The following MYT1L variants were observed in gnomAD, a reference collection of about 807,000 sequenced individuals.
MYT1L encodes myelin transcription factor 1 like.
MYT1L carries 12 observed loss-of-function variants against 126.7 expected under a neutral mutation model. That is an observed-to-expected ratio of 0.09 (90% CI 0.06 to 0.15). The LOEUF (loss-of-function observed/expected upper bound fraction) is 0.15. Among genes scored for constraint, MYT1L ranks in the 10% least tolerant of loss-of-function variants. The pLI is 1.00. For missense variants in MYT1L, 979 were observed against 1,585.2 expected (o/e 0.62, Z 6.49); for synonymous variants, 541 against 604.2 (o/e 0.90, Z 1.53).
chr2:2,187,351 C>T (rs1240815761), intron 2 of MYT1L, among the ~76,000 whole-genome samples: 1 of 151,960 alleles, frequency 6.6e-6, no homozygotes, highest in Admixed American at 6.6e-5. Flanking sequence ...CAGGTGAGAG[C>T]GAGAACCCAC....
Position 1,848,091 on chromosome 2 carries a change from G to A in MYT1L, c.2774+3550C>T, listed in dbSNP as rs558428898. On this transcript the variant is annotated intron_variant, in intron 19 of 24. Transcript: ENST00000647738. This position sits in a 1 kb window ranked among gnomAD's most constrained non-coding sequence, Gnocchi z 4.8. ...CTCAAATTCAAAAGTTAATGAAATC[G>A]CTAATTCTCAGCGCATCTGTGGAGA... is the stretch of plus-strand genomic sequence containing the variant. Among the ~76,000 whole-genome samples, 8 of 152,246 alleles carry A rather than the reference G, an allele frequency of 5.3e-5. No homozygotes were observed. Among genetic ancestry groups the A allele is most frequent in the Middle Eastern group, 3.4e-3 (1 of 294 alleles).
chr2:2,104,650 T>C (rs1427363624), intron 3 of MYT1L, among the ~76,000 whole-genome samples: 3 of 152,220 alleles, frequency 2.0e-5, no homozygotes, highest in African/African-American at 7.2e-5. Context: ...GTGCTTTCTG[T>C]GGTCTTTGTC....
chr2:1,877,544 A>G (rs1297420963), intron 18 of MYT1L, among the ~76,000 whole-genome samples: 1 of 152,174 alleles, frequency 6.6e-6, no homozygotes, highest in African/African-American at 2.4e-5. Flanking sequence ...GTGCTTTTAT[A>G]TATCAGGTAG....
At chr2:1,884,794 C>G (rs960157846) in intron 18 of MYT1L, among the ~76,000 whole-genome samples, 1 of 152,204 alleles carries the variant, frequency 6.6e-6, no homozygotes, top group South Asian at 2.1e-4. Flanking sequence ...CAGGACAAGA[C>G]AGGAAGGAGG....
At chr2:2,008,302 C>T (rs546016696) in intron 4 of MYT1L, among the ~76,000 whole-genome samples, 12 of 152,352 alleles carry the variant, frequency 7.9e-5, no homozygotes, top group East Asian at 1.9e-4. Flanking sequence ...CCATCTGCCA[C>T]GGGCGTGGCC....
chr2:2,075,761 C>G (rs999928949), intron 3 of MYT1L, among the ~76,000 whole-genome samples: 1 of 152,194 alleles, frequency 6.6e-6, no homozygotes, highest in Non-Finnish European at 1.5e-5. Context: ...AAATCAACTA[C>G]TTCAGAATAT....
intron 3 of MYT1L, among the ~76,000 whole-genome samples, chr2:2,151,081 C>A (rs2042142): frequency 0.38 from 57,988 of 151,886 alleles, 11,639 homozygotes; most frequent in African/African-American, 0.53. Context: ...AGTAAAATGA[C>A]AGTAAAAACT....
At chr2:2,087,891 C>T (rs1194794732) in intron 3 of MYT1L, among the ~76,000 whole-genome samples, 1 of 152,250 alleles carries the variant, frequency 6.6e-6, no homozygotes, top group African/African-American at 2.4e-5. Context: ...TCGCTATAAA[C>T]ACCACACGTG....
chr2:2,013,953 T>A (rs1004330978), intron 4 of MYT1L, among the ~76,000 whole-genome samples: 4 of 152,200 alleles, frequency 2.6e-5, no homozygotes, highest in African/African-American at 9.6e-5. Context: ...AAGTGTTTGC[T>A]CCATGCATCA....
intron 4 of MYT1L, among the ~76,000 whole-genome samples, chr2:2,032,701 G>A (rs1225931682): frequency 9.3e-6 from 1 of 107,382 alleles, no homozygotes; most frequent in African/African-American, 3.9e-5. Context: ...TCATCCTGTG[G>A]CCCAGAGCAG....
At chr2:2,120,990 C>A (rs1423983055) in intron 3 of MYT1L, among the ~76,000 whole-genome samples, 1 of 152,166 alleles carries the variant, frequency 6.6e-6, no homozygotes, top group African/African-American at 2.4e-5. Flanking sequence ...GTGGCGATGG[C>A]GGTCACCGGG....
intron 2 of MYT1L, among the ~76,000 whole-genome samples, chr2:2,278,445 A>C (rs953446176): frequency 6.6e-6 from 1 of 152,202 alleles, no homozygotes; most frequent in Admixed American, 6.5e-5. Context: ...GAGACACAAA[A>C]TTTTAAAGAG....
intron 1 of MYT1L, among the ~76,000 whole-genome samples, chr2:2,298,112 G>A (rs908987515): frequency 6.6e-6 from 1 of 152,138 alleles, no homozygotes; most frequent in African/African-American, 2.4e-5. Flanking sequence ...ATTAAGCCTG[G>A]CTTTTATGAA....
intron 3 of MYT1L, among the ~76,000 whole-genome samples, chr2:2,073,907 C>T (rs912229227): frequency 3.9e-5 from 6 of 152,178 alleles, no homozygotes; most frequent in African/African-American, 1.4e-4. Context: ...TGCTTTTCTC[C>T]ACCCTCAGCA....
intron 18 of MYT1L, among the ~76,000 whole-genome samples, chr2:1,882,249 C>G (rs1304809716): frequency 6.6e-6 from 1 of 152,158 alleles, no homozygotes; most frequent in African/African-American, 2.4e-5. Context: ...GCTGGAGCCC[C>G]AGTGGACGCT....
At chr2:2,277,881 A>G (rs910876617) in intron 2 of MYT1L, among the ~76,000 whole-genome samples, 1 of 152,232 alleles carries the variant, frequency 6.6e-6, no homozygotes, top group Non-Finnish European at 1.5e-5. Context: ...AAAAAAAACT[A>G]TAGTATATTC....
At chr2:1,869,372 G>T (rs1449417033) in intron 18 of MYT1L, among the ~76,000 whole-genome samples, 1 of 152,262 alleles carries the variant, frequency 6.6e-6, no homozygotes, top group Non-Finnish European at 1.5e-5. Context: ...GGTCTCATGA[G>T]ACCTGGCACT....
At chr2:2,190,605 C>G (rs886218665) in intron 2 of MYT1L, among the ~76,000 whole-genome samples, 1 of 147,350 alleles carries the variant, frequency 6.8e-6, no homozygotes, top group Non-Finnish European at 1.5e-5. Flanking sequence ...GAAGAAAGTA[C>G]TTGTGTCCTG....
intron 2 of MYT1L, among the ~76,000 whole-genome samples, chr2:2,208,288 T>A (rs1035480335): frequency 6.6e-6 from 1 of 152,220 alleles, no homozygotes; most frequent in African/African-American, 2.4e-5. Flanking sequence ...TACTCTGTTT[T>A]AAAAGTCACT....
Sources: allele counts gnomAD v4.1 joint callset (sites outside exome capture counted in the v4.1 genomes callset), GRCh38; gene constraint gnomAD v4.1.1; non-coding constraint Gnocchi (gnomAD v3.1); transcripts MANE v1.5; gene names NCBI Gene and HGNC (gene_info 2026-07-23, HGNC 2026-07-21).